The following MGAT4C variants were observed in gnomAD, a reference collection of about 807,000 sequenced individuals.
MGAT4C encodes the protein alpha-1,3-mannosyl-glycoprotein 4-beta-N-acetylglucosaminyltransferase C.
Under a neutral mutation model 40.1 loss-of-function variants are expected in MGAT4C, and 19 were observed. The observed-to-expected ratio is 0.47, with a 90% CI of 0.33 to 0.70. MGAT4C has a LOEUF of 0.70. MGAT4C is among the 30% of genes least tolerant of loss of function. MGAT4C has a pLI of 0.02. For missense variants in MGAT4C, 491 were observed against 563.2 expected (o/e 0.87, Z 1.30); for synonymous variants, 181 against 187.1 (o/e 0.97, Z 0.27).
intron 1 of MGAT4C, among the ~76,000 whole-genome samples, chr12:86,804,569 C>G (rs1952311882): frequency 6.6e-6 from 1 of 151,758 alleles, no homozygotes; most frequent in Admixed American, 6.6e-5. Flanking sequence ...TTGTCAGTGA[C>G]AAAATATAAT....
intron 2 of MGAT4C, among the ~76,000 whole-genome samples, chr12:86,610,347 T>C (rs191973518): frequency 1.3e-5 from 2 of 152,218 alleles, no homozygotes; most frequent in African/African-American, 2.4e-5. Flanking sequence ...AAGATGGAGA[T>C]AGCTACAAGA....
chr12:86,371,414 T>C (rs950852222), intron 3 of MGAT4C, among the ~76,000 whole-genome samples: 2 of 152,074 alleles, frequency 1.3e-5, no homozygotes, highest in Admixed American at 6.6e-5. Context: ...TTTGCTCTTA[T>C]GATTCCCTTG....
intron 1 of MGAT4C, among the ~76,000 whole-genome samples, chr12:86,775,227 G>A (rs748087637): frequency 6.6e-6 from 1 of 151,954 alleles, no homozygotes; most frequent in African/African-American, 2.4e-5. Flanking sequence ...ACTTGGACAT[G>A]TTTACAAAGT....
chr12:86,358,021 T>C (rs1445741971), intron 3 of MGAT4C, among the ~76,000 whole-genome samples: 1 of 151,946 alleles, frequency 6.6e-6, no homozygotes, highest in African/African-American at 2.4e-5. Context: ...CCAAAACACA[T>C]AATTGTCAGA....
At chr12:86,827,233 T>C (rs1039438880) in intron 1 of MGAT4C, among the ~76,000 whole-genome samples, 4 of 151,470 alleles carry the variant, frequency 2.6e-5, no homozygotes, top group African/African-American at 9.7e-5. Context: ...ATGGCATCCA[T>C]GAGAACAAAG....
chr12:86,086,590 A>T (rs1871891954), intron 1 of MGAT4C, among the ~76,000 whole-genome samples: 2 of 152,110 alleles, frequency 1.3e-5, no homozygotes, highest in Admixed American at 6.6e-5. Flanking sequence ...TATATGTGAC[A>T]TTTTGATATA....
rs191430553 is a variant in MGAT4C at position 86,606,070 on chromosome 12, A to G, written c.-229+121139T>C. Among the ~76,000 whole-genome samples, 522 of 152,176 alleles carry G rather than the reference A, an allele frequency of 3.4e-3. 1 individual carries two copies. The highest frequency in any genetic ancestry group is 0.012 in the African/African-American group (500 of 41,542). ...GAAGGAGAAGTGCTAAGTGAAGGGG[A>G]AAGAGCCTCTTATAAAACCATTAGA... is the stretch of plus-strand genomic sequence containing the variant. On this transcript the variant is annotated intron_variant, in intron 2 of 7. Transcript: ENST00000548651.
chr12:86,002,033 C>T (rs1887365284), intron 2 of MGAT4C: 1 of 152,180 alleles, frequency 6.6e-6, no homozygotes, highest in African/African-American at 2.4e-5. Context: ...TTACTACCTT[C>T]AATCTTCCCT....
At chr12:86,277,590 G>A (rs1272792814) in intron 4 of MGAT4C, among the ~76,000 whole-genome samples, 1 of 152,062 alleles carries the variant, frequency 6.6e-6, no homozygotes, top group Non-Finnish European at 1.5e-5. Context: ...GAATAGAGTG[G>A]GGTAGTTTCA....
chr12:86,468,326 C>G (rs772990907), intron 2 of MGAT4C, among the ~76,000 whole-genome samples: 1 of 152,066 alleles, frequency 6.6e-6, no homozygotes, highest in East Asian at 1.9e-4. Context: ...CACATCCAGG[C>G]TACCATAAAA....
chr12:86,724,853 A>AC (rs1950796382), intron 2 of MGAT4C, among the ~76,000 whole-genome samples: 1 of 152,154 alleles, frequency 6.6e-6, no homozygotes, highest in Non-Finnish European at 1.5e-5. Flanking sequence ...TCTAGTAACC[A>AC]CCATTCTACT....
chr12:86,008,056 C>A (rs1020117572), intron 2 of MGAT4C, among the ~76,000 whole-genome samples: 5 of 151,936 alleles, frequency 3.3e-5, no homozygotes, highest in African/African-American at 1.2e-4. Flanking sequence ...ATCATACTAT[C>A]TGGATTACTA....
intron 4 of MGAT4C, among the ~76,000 whole-genome samples, chr12:86,298,923 G>A (rs1190950361): frequency 2.3e-5 from 3 of 132,370 alleles, no homozygotes; most frequent in African/African-American, 3.6e-5. Flanking sequence ...ATACTTTTAT[G>A]TAATCTGGAA....
At chr12:86,407,989 T>C (rs1050411856) in intron 3 of MGAT4C, among the ~76,000 whole-genome samples, 28 of 152,072 alleles carry the variant, frequency 1.8e-4, no homozygotes, top group Non-Finnish European at 3.1e-4. Flanking sequence ...CATGGGTATA[T>C]ATTGCACCCT....
At chr12:86,297,113 C>A (rs1387208355) in intron 4 of MGAT4C, among the ~76,000 whole-genome samples, 1 of 152,118 alleles carries the variant, frequency 6.6e-6, no homozygotes, top group African/African-American at 2.4e-5. Flanking sequence ...GAAGATGTGA[C>A]CCCAATGAAG....
intron 2 of MGAT4C, among the ~76,000 whole-genome samples, chr12:86,019,372 C>A (rs1889417872): frequency 6.6e-6 from 1 of 152,014 alleles, no homozygotes; most frequent in African/African-American, 2.4e-5. Flanking sequence ...TGCTGTCATA[C>A]CTATGTATGA....
At chr12:86,279,221 G>C (rs10858408) in intron 4 of MGAT4C, among the ~76,000 whole-genome samples, 102,181 of 151,990 alleles carry the variant, frequency 0.67, 34,774 homozygotes, top group South Asian at 0.78. Flanking sequence ...GGAATAGTTT[G>C]AATAGGATTG....
chr12:86,009,451 G>A (rs1888233409), intron 2 of MGAT4C, among the ~76,000 whole-genome samples: 1 of 151,930 alleles, frequency 6.6e-6, no homozygotes, highest in South Asian at 2.1e-4. Flanking sequence ...GTGAATTACA[G>A]CCACTGCAGA....
At chr12:85,995,843 G>T (rs1390409787) in intron 2 of MGAT4C, among the ~76,000 whole-genome samples, 1 of 152,170 alleles carries the variant, frequency 6.6e-6, no homozygotes, top group Non-Finnish European at 1.5e-5. Context: ...CTGCACTCCA[G>T]CCTAGGCAAC....
Sources: allele counts gnomAD v4.1 joint callset (sites outside exome capture counted in the v4.1 genomes callset), GRCh38; gene constraint gnomAD v4.1.1; transcripts MANE v1.5; gene names NCBI Gene and HGNC (gene_info 2026-07-23, HGNC 2026-07-21).